Variants in RBFOX1 observed in about 807,000 individuals in gnomAD.
RBFOX1 encodes the protein RNA binding protein fox-1 homolog 1.
Under a neutral mutation model 57.7 loss-of-function variants are expected in RBFOX1, and 8 were observed. That is an observed-to-expected ratio of 0.14 (90% CI 0.08 to 0.25). The LOEUF is 0.25. RBFOX1 is among the 10% of genes least tolerant of loss of function. RBFOX1 has a pLI of 1.00. For missense variants in RBFOX1, 611 were observed against 548.5 expected (o/e 1.11, Z -1.14); for synonymous variants, 326 against 222.4 (o/e 1.47, Z -4.15).
chr16:6,997,528 C>G lies in RBFOX1; in HGVS notation c.-15-54529C>G, dbSNP rs28684971. Among the ~76,000 whole-genome samples the G allele has an allele frequency of 2.7e-3, 408 of 152,242 alleles. 4 individuals carry two copies. Among genetic ancestry groups the G allele is most frequent in the African/African-American group, 9.4e-3 (392 of 41,542 alleles). ...TAATTGTTGAAGTCTGAATTGCTTTCCAATTTCCCACAGAGTTTAATGTGT... is the reference window on the plus strand; with the variant it reads ...TAATTGTTGAAGTCTGAATTGCTTTGCAATTTCCCACAGAGTTTAATGTGT... On this transcript the variant is annotated intron_variant, in intron 3 of 15. Transcript: ENST00000550418.
At chr16:7,439,152 C>T (rs1019267239) in intron 4 of RBFOX1, among the ~76,000 whole-genome samples, 1 of 152,182 alleles carries the variant, frequency 6.6e-6, no homozygotes, top group African/African-American at 2.4e-5. Flanking sequence ...CTTAAGTCTT[C>T]TTTACGCAGG....
intron 2 of RBFOX1, among the ~76,000 whole-genome samples, chr16:6,603,663 C>A (rs1231258706): frequency 1.3e-5 from 2 of 152,184 alleles, no homozygotes; most frequent in Non-Finnish European, 2.9e-5. Context: ...ACTAGGCTGA[C>A]TGTAGTGTGA....
At chr16:6,821,944 G>C (rs1335444739) in intron 3 of RBFOX1, among the ~76,000 whole-genome samples, 1 of 152,172 alleles carries the variant, frequency 6.6e-6, no homozygotes, top group Non-Finnish European at 1.5e-5. Flanking sequence ...CACAGCTCTA[G>C]TTTCTGATGT....
At chr16:5,318,192 G>A (rs1215422990) in intron 1 of RBFOX1, among the ~76,000 whole-genome samples, 1 of 152,038 alleles carries the variant, frequency 6.6e-6, no homozygotes, top group Non-Finnish European at 1.5e-5. Context: ...GCAGTGACAC[G>A]ATCTCGGCTC....
chr16:5,298,450 C>T (rs1294983463), intron 1 of RBFOX1, among the ~76,000 whole-genome samples: 1 of 95,704 alleles, frequency 1.0e-5, no homozygotes, highest in Non-Finnish European at 2.0e-5. Flanking sequence ...CCCTCCCCTC[C>T]CCTCCTTTCC....
chr16:6,112,020 T>C (rs1485419065), intron 1 of RBFOX1, among the ~76,000 whole-genome samples: 1 of 151,420 alleles, frequency 6.6e-6, no homozygotes, highest in South Asian at 2.1e-4. Flanking sequence ...AGTGATCTGA[T>C]AAAAAAAAAG....
At chr16:5,558,165 C>T (rs1172131077) in intron 2 of RBFOX1, among the ~76,000 whole-genome samples, 1 of 152,156 alleles carries the variant, frequency 6.6e-6, no homozygotes, top group African/African-American at 2.4e-5. Flanking sequence ...GTATGCTGGG[C>T]GAGAACTTGG....
At chr16:6,972,605 G>A (rs772807171) in intron 3 of RBFOX1, among the ~76,000 whole-genome samples, 1 of 152,032 alleles carries the variant, frequency 6.6e-6, no homozygotes, top group East Asian at 1.9e-4. Context: ...TGGGAGAAGT[G>A]GAGACATTGA....
intron 1 of RBFOX1, among the ~76,000 whole-genome samples, chr16:5,268,052 C>T (rs1348127483): frequency 6.6e-6 from 1 of 151,606 alleles, no homozygotes; most frequent in East Asian, 1.9e-4. Context: ...GCATTCCAGC[C>T]TGGGAGACAG....
intron 1 of RBFOX1, among the ~76,000 whole-genome samples, chr16:6,304,758 G>A (rs1417832387): frequency 1.3e-5 from 2 of 151,480 alleles, no homozygotes; most frequent in African/African-American, 2.4e-5. Context: ...GGTGGTGCAC[G>A]CCTGTGGTGC....
intron 4 of RBFOX1, among the ~76,000 whole-genome samples, chr16:7,355,725 C>T (rs946896054): frequency 6.6e-6 from 1 of 152,170 alleles, no homozygotes; most frequent in African/African-American, 2.4e-5. Context: ...TTTGCCAATT[C>T]TTACACACAA....
At chr16:6,931,313 CTA>C in intron 3 of RBFOX1, among the ~76,000 whole-genome samples, 1 of 128,012 alleles carries the variant, frequency 7.8e-6, no homozygotes, top group East Asian at 2.4e-4. Context: ...ATCTATCTAT[CTA>C]TCTATCTATC....
intron 1 of RBFOX1, among the ~76,000 whole-genome samples, chr16:6,251,004 G>C (rs545805339): frequency 6.6e-6 from 1 of 152,190 alleles, no homozygotes; most frequent in African/African-American, 2.4e-5. Flanking sequence ...TGGGGAGTGT[G>C]AGATGGTCAG....
At chr16:5,340,613 T>C (rs1392502579) in intron 1 of RBFOX1, among the ~76,000 whole-genome samples, 1 of 152,158 alleles carries the variant, frequency 6.6e-6, no homozygotes, top group East Asian at 1.9e-4. Flanking sequence ...TTTTAGGAAA[T>C]GAACTGGCTT....
At chr16:6,776,758 G>A (rs1385794584) in intron 3 of RBFOX1, among the ~76,000 whole-genome samples, 1 of 152,210 alleles carries the variant, frequency 6.6e-6, no homozygotes, top group Non-Finnish European at 1.5e-5. Context: ...AAACTTTTCT[G>A]CACTAATGCA....
chr16:6,200,077 G>C (rs1259806592), intron 1 of RBFOX1, among the ~76,000 whole-genome samples: 2 of 152,132 alleles, frequency 1.3e-5, no homozygotes, highest in Non-Finnish European at 2.9e-5. Flanking sequence ...GAGGGTGCTG[G>C]CAGTAAGCTT....
intron 2 of RBFOX1, among the ~76,000 whole-genome samples, chr16:6,368,440 C>A (rs1294229210): frequency 2.0e-4 from 30 of 152,196 alleles, no homozygotes; most frequent in Non-Finnish European, 1.0e-4. Flanking sequence ...GTTTTATGTC[C>A]TGTGATTACA....
intron 1 of RBFOX1, among the ~76,000 whole-genome samples, chr16:6,169,111 G>A (rs190928329): frequency 1.2e-4 from 19 of 152,298 alleles, no homozygotes; most frequent in African/African-American, 4.6e-4. Flanking sequence ...TAGAAGGGAT[G>A]ACTCCAGGCA....
intron 2 of RBFOX1, among the ~76,000 whole-genome samples, chr16:6,508,962 A>G (rs553127860): frequency 4.6e-5 from 7 of 152,242 alleles, no homozygotes; most frequent in African/African-American, 1.7e-4. Context: ...TCTCAGTACT[A>G]TGTGAATGTA....
Sources: allele counts gnomAD v4.1 joint callset (sites outside exome capture counted in the v4.1 genomes callset), GRCh38; gene constraint gnomAD v4.1.1; transcripts MANE v1.5; gene names NCBI Gene and HGNC (gene_info 2026-07-23, HGNC 2026-07-21).